The following SEC23IP variants were observed in gnomAD, a reference collection of about 807,000 sequenced individuals.
The protein encoded by SEC23IP is SEC23-interacting protein.
In SEC23IP, 70 loss-of-function variants were observed where a neutral mutation model predicts 113.4. The observed-to-expected ratio is 0.62, with a 90% confidence interval of 0.51 to 0.75. The LOEUF (loss-of-function observed/expected upper bound fraction) is 0.75, where lower values mean the gene tolerates loss of function less well. Ranked by LOEUF, SEC23IP falls within the 30% of genes least tolerant of loss-of-function variation. The pLI is 0.00. For missense variants in SEC23IP, 1,160 were observed against 1,204.9 expected, an observed-to-expected ratio of 0.96 and a Z score of 0.55; for synonymous variants, 398 against 421.0, an observed-to-expected ratio of 0.95 and a Z score of 0.67.
At position 119,898,609 on chromosome 10, in the gene SEC23IP, C is replaced by T. The variant is rs768186829; in HGVS notation, c.346C>T (p.Pro116Ser). ...TSVGQSGFPK[P>S]LTALPFTTGS... is the part of the protein sequence containing the mutation. ...AGTTGGACAATCAGGATTCCCCAAG[C>T]CCCTGACTGCTCTCCCTTTTACAAC... The change falls in exon 2 of 19, where the codon CCC (proline) becomes TCC (serine). Residue 116 changes from proline (P) to serine (S), a missense_variant. Physicochemically the swap from Pro to Ser is moderately conservative, Grantham distance 74 (BLOSUM62 -1). Transcript: ENST00000369075. 3 of 1,614,212 alleles carry T rather than the reference C, an allele frequency of 1.9e-6. No homozygotes were observed. Among genetic ancestry groups the T allele is most frequent in the Admixed American group, 3.3e-5 (2 of 60,022 alleles).
intron 4 of SEC23IP, among the ~76,000 whole-genome samples, chr10:119,905,324 T>C (rs369768809): frequency 5.3e-5 from 8 of 152,184 alleles, no homozygotes; most frequent in African/African-American, 1.9e-4. Context: ...CCAGATTAAA[T>C]GTTTAGTTTT....
intron 6 of SEC23IP, among the ~76,000 whole-genome samples, chr10:119,913,967 C>A (rs71502804): frequency 0.05 from 7,650 of 151,890 alleles, 282 homozygotes; most frequent in Non-Finnish European, 0.08. Context: ...GCCTGGCCAA[C>A]TTGGTGAAAC....
intron 6 of SEC23IP, among the ~76,000 whole-genome samples, chr10:119,913,751 T>C (rs984851139): frequency 2.6e-5 from 4 of 151,624 alleles, no homozygotes; most frequent in Admixed American, 6.6e-5. Context: ...CTCGGCCTCC[T>C]AAAGTTCTGG....
At chr10:119,928,522 C>G (rs1855492789) in intron 13 of SEC23IP, among the ~76,000 whole-genome samples, 1 of 152,232 alleles carries the variant, frequency 6.6e-6, no homozygotes, top group Non-Finnish European at 1.5e-5. Context: ...TAAGTCAGCA[C>G]TCCATCACTC....
At chr10:119,907,143 A>C (rs1016628503) in intron 4 of SEC23IP, among the ~76,000 whole-genome samples, 6 of 151,848 alleles carry the variant, frequency 4.0e-5, no homozygotes, top group African/African-American at 1.5e-4. Context: ...CTAAAAATAC[A>C]AAATTAGCCA....
chr10:119,932,301 A>G lies in SEC23IP; in HGVS notation c.2741A>G (p.Glu914Gly). 1 of 1,611,586 alleles carries G rather than the reference A, an allele frequency of 6.2e-7. No individual in the cohort carries two copies. Among genetic ancestry groups the G allele is most frequent in the Non-Finnish European group, 8.5e-7 (1 of 1,178,808 alleles). ...GCCAATCAGATCAAAGAAGAAGAAG[A>G]AAAGCAAGTAGTTGAAGGTAAATTT... is the stretch of plus-strand genomic sequence containing the variant. ...KVANQIKEEEEKQVVEAEKVV... is the reference protein window; with the variant it reads ...KVANQIKEEEGKQVVEAEKVV... The change falls in exon 16 of 19, where the codon GAA becomes GGA. Residue 914 changes from glutamate to glycine, a missense_variant. Physicochemically the swap from Glu to Gly is moderately conservative, Grantham distance 98. Coordinates refer to ENST00000369075, the MANE Select transcript of SEC23IP (RefSeq NM_007190.4).
At chr10:119,905,457 A>G (rs1463191581) in intron 4 of SEC23IP, among the ~76,000 whole-genome samples, 3 of 152,210 alleles carry the variant, frequency 2.0e-5, no homozygotes, top group South Asian at 4.1e-4. Flanking sequence ...AGATATCCAC[A>G]TACTGACCAC....
intron 4 of SEC23IP, among the ~76,000 whole-genome samples, chr10:119,908,701 A>G (rs1854761137): frequency 6.6e-6 from 1 of 152,144 alleles, no homozygotes; most frequent in Non-Finnish European, 1.5e-5. Flanking sequence ...CCTGGCACCT[A>G]ATTTTCTACT....
chr10:119,925,893 AT>A, intron 12 of SEC23IP, 142 bp from the exon 13 acceptor site: 1 of 731,132 alleles, frequency 1.4e-6, no homozygotes, highest in East Asian at 2.7e-5. Flanking sequence ...ATAAAAAGGC[AT>A]TTTTTAAAGT....
chr10:119,917,573 T>C (rs751631306), intron 8 of SEC23IP, among the ~76,000 whole-genome samples: 1 of 152,070 alleles, frequency 6.6e-6, no homozygotes, highest in Non-Finnish European at 1.5e-5. Context: ...AAGACGGGGT[T>C]TCGCCATGTT....
At chr10:119,900,654 G>A (rs954577240) in intron 2 of SEC23IP, among the ~76,000 whole-genome samples, 24 of 151,882 alleles carry the variant, frequency 1.6e-4, no homozygotes, top group East Asian at 1.9e-4. Context: ...ATGCAGTGGC[G>A]CAATCACAGC....
intron 5 of SEC23IP, 52 bp downstream of exon 5, chr10:119,909,182 C>A: frequency 1.6e-6 from 2 of 1,229,538 alleles, no homozygotes; most frequent in Admixed American, 2.1e-5. Context: ...TAATATTTTT[C>A]TGTGTATGTT....
intron 3 of SEC23IP, 136 bp downstream of exon 3, chr10:119,903,145 G>T: frequency 1.4e-6 from 1 of 700,240 alleles, no homozygotes. Context: ...TTAAGGTGAC[G>T]ATATTAGTAT....
intron 15 of SEC23IP, among the ~76,000 whole-genome samples, chr10:119,931,878 C>A (rs1589849463): frequency 6.6e-6 from 1 of 151,868 alleles, no homozygotes. Context: ...GGTATTTGAA[C>A]TTCTTTTATT....
rs1308823836 is a variant in SEC23IP at position 119,898,651 on chromosome 10, T to G, written c.388T>G (p.Ser130Ala). The stretch of plus-strand genomic sequence containing the variant: ...TTTTACAACTGGATCCCAAGATGTC[T>G]CGAATGCATTTTCACCATCCATTTC... ...LPFTTGSQDV[S>A]NAFSPSISKA... The change falls in exon 2 of 19, where the codon TCG becomes GCG. Residue 130 changes from serine to alanine, a missense_variant. Coordinates refer to ENST00000369075, the MANE Select transcript of SEC23IP (RefSeq NM_007190.4). The G allele has an allele frequency of 1.2e-6, 2 of 1,614,210 alleles. No individual in the cohort carries two copies. The highest frequency in any genetic ancestry group is 2.2e-5 in the South Asian group (2 of 91,086).
rs7071900 is a variant in SEC23IP at position 119,916,488 on chromosome 10, A to T, written c.1544+599A>T. 8.6e-3 allele frequency among the ~76,000 whole-genome samples: 1,315 copies of T among 152,354 alleles called. 16 individuals are homozygous for T. Among genetic ancestry groups the T allele is most frequent in the African/African-American group, 0.03 (1,254 of 41,574 alleles). ...TTATGCTGGCACATGTCTAGATTTT[A>T]GTGAACACCGTAATGTTTCAGGGTA... On this transcript the variant is annotated intron_variant, in intron 8 of 18. Coordinates refer to ENST00000369075, the MANE Select transcript of SEC23IP (RefSeq NM_007190.4).
intron 8 of SEC23IP, among the ~76,000 whole-genome samples, 172 bp downstream of exon 8, chr10:119,916,061 G>C (rs994655439): frequency 1.3e-5 from 2 of 152,098 alleles, no homozygotes; most frequent in African/African-American, 4.8e-5. Flanking sequence ...TTTTCTCTCT[G>C]TGTGTGTGCA....
chr10:119,906,349 G>A (rs1188202001), intron 4 of SEC23IP, among the ~76,000 whole-genome samples: 2 of 147,128 alleles, frequency 1.4e-5, no homozygotes, highest in African/African-American at 2.5e-5. Context: ...CATAAAAGAT[G>A]TCAATTCTTC....
At chr10:119,925,893 ATT>A in intron 12 of SEC23IP, 141 bp from the exon 13 acceptor site, 1 of 731,132 alleles carries the variant, frequency 1.4e-6, no homozygotes. Context: ...ATAAAAAGGC[ATT>A]TTTTAAAGTA....
Sources: gnomAD v4.1 joint callset for allele counts (sites outside exome capture counted in the v4.1 genomes callset) on GRCh38, gnomAD v4.1.1 for gene constraint, MANE v1.5 for transcripts, NCBI Gene and HGNC (gene_info 2026-07-23, HGNC 2026-07-21) for gene names.